Variants in GABRG2 observed in about 807,000 individuals in gnomAD.
GABRG2 encodes gamma-aminobutyric acid receptor subunit gamma-2.
Under a neutral mutation model 56.4 loss-of-function variants are expected in GABRG2, and 16 were observed. The observed-to-expected ratio is 0.28, with a 90% CI of 0.19 to 0.43. GABRG2 has a LOEUF of 0.43. GABRG2 is among the 20% of genes least tolerant of loss of function. The pLI is 1.00. For synonymous variants in GABRG2, 208 were observed against 205.5 expected, an observed-to-expected ratio of 1.01 and a Z score of -0.10; for missense variants, 327 against 582.7, an observed-to-expected ratio of 0.56 and a Z score of 4.52.
chr5:162,105,447 T>TTTTTTTTTTG (rs397999750), intron 6 of GABRG2, among the ~76,000 whole-genome samples: 1 of 147,026 alleles, frequency 6.8e-6, no homozygotes, highest in African/African-American at 2.5e-5. Context: ...TTTTTTTTTT[T>TTTTTTTTTTG]GAGAAGGAGT....
chr5:162,133,089 A>C (rs1763871414), intron 6 of GABRG2, among the ~76,000 whole-genome samples: 1 of 151,948 alleles, frequency 6.6e-6, no homozygotes, highest in African/African-American at 2.4e-5. Flanking sequence ...TAGTAGAAAC[A>C]AGCATAAGAT....
At chr5:162,139,768 T>A (rs1190421791) in intron 6 of GABRG2, among the ~76,000 whole-genome samples, 1 of 152,218 alleles carries the variant, frequency 6.6e-6, no homozygotes, top group African/African-American at 2.4e-5. Context: ...TCGTAATTTT[T>A]TATTTAAACA....
At chr5:162,125,014 C>G (rs1763233886) in intron 6 of GABRG2, among the ~76,000 whole-genome samples, 1 of 148,476 alleles carries the variant, frequency 6.7e-6, no homozygotes, top group Non-Finnish European at 1.5e-5. Flanking sequence ...CTAAGCATAT[C>G]AAAAACAGAA....
chr5:162,140,583 T>G lies in GABRG2; in HGVS notation c.770-1581T>G, dbSNP rs576207899. Among the ~76,000 whole-genome samples, 3 of 152,322 alleles carry G rather than the reference T, an allele frequency of 2.0e-5. No individual in the cohort carries two copies. In the East Asian group the frequency reaches 5.8e-4, roughly 29 times the overall value. On this transcript the variant is annotated intron_variant, in intron 6 of 9. Coordinates refer to ENST00000639213, the MANE Select transcript of GABRG2 (RefSeq NM_198904.4). Reference sequence around the variant, plus strand: ...AATCAGCCAAGTAAGTAGGGAAACGTAGGCACAAAGCCAACTAATCAAGCT... The same window carrying G: ...AATCAGCCAAGTAAGTAGGGAAACGGAGGCACAAAGCCAACTAATCAAGCT...
intron 6 of GABRG2, among the ~76,000 whole-genome samples, chr5:162,106,841 A>G (rs1176045685): frequency 6.7e-6 from 1 of 148,534 alleles, no homozygotes; most frequent in Non-Finnish European, 1.5e-5. Context: ...TGCGTAATGA[A>G]TTTTATTATT....
At chr5:162,104,889 T>C (rs1761687436) in intron 6 of GABRG2, among the ~76,000 whole-genome samples, 1 of 152,230 alleles carries the variant, frequency 6.6e-6, no homozygotes, top group South Asian at 2.1e-4. Context: ...TGTTTCTGTC[T>C]CATGGGTGGC....
At chr5:162,100,204 A>G (rs1435171109) in intron 4 of GABRG2, 1 of 152,118 alleles carries the variant, frequency 6.6e-6, no homozygotes, top group African/African-American at 2.4e-5. Context: ...CTTCATAGTT[A>G]ATTAAGGTCT....
At chr5:162,107,128 A>T (rs1761893088) in intron 6 of GABRG2, among the ~76,000 whole-genome samples, 1 of 152,128 alleles carries the variant, frequency 6.6e-6, no homozygotes, top group African/African-American at 2.4e-5. Flanking sequence ...GTCCTGTATC[A>T]GCTTGATAGG....
intron 6 of GABRG2, among the ~76,000 whole-genome samples, chr5:162,139,486 C>A (rs1764391353): frequency 6.6e-6 from 1 of 152,180 alleles, no homozygotes; most frequent in East Asian, 1.9e-4. Flanking sequence ...GGTAGAAAAG[C>A]TGTAGACTTG....
chr5:162,120,592 G>A (rs939186673), intron 6 of GABRG2, among the ~76,000 whole-genome samples: 5 of 152,228 alleles, frequency 3.3e-5, no homozygotes, highest in Admixed American at 3.3e-4. Context: ...AGATAATAGA[G>A]ACGGCATGTG....
At chr5:162,074,641 G>A (rs72821320) in intron 1 of GABRG2, among the ~76,000 whole-genome samples, 2,103 of 151,956 alleles carry the variant, frequency 0.014, 25 homozygotes, top group Non-Finnish European at 0.021. Flanking sequence ...TTTTTTTGCT[G>A]GTTATCAGTT....
intron 6 of GABRG2, among the ~76,000 whole-genome samples, chr5:162,105,800 C>T (rs1219457048): frequency 1.9e-5 from 2 of 107,942 alleles, no homozygotes; most frequent in African/African-American, 3.6e-5. Context: ...CTTCCATTGG[C>T]GAAAGAAAAC....
intron 1 of GABRG2, among the ~76,000 whole-genome samples, chr5:162,088,052 G>A (rs915739618): frequency 2.0e-5 from 3 of 152,042 alleles, no homozygotes; most frequent in Non-Finnish European, 4.4e-5. Flanking sequence ...GCACACTCAT[G>A]CATAGAGCAC....
intron 7 of GABRG2, among the ~76,000 whole-genome samples, chr5:162,144,044 G>T (rs970909874): frequency 1.3e-5 from 2 of 152,260 alleles, no homozygotes; most frequent in East Asian, 3.9e-4. Flanking sequence ...AAAATATCTT[G>T]TCTAATGCTA....
chr5:162,085,825 C>T (rs983898985), intron 1 of GABRG2, among the ~76,000 whole-genome samples: 3 of 151,692 alleles, frequency 2.0e-5, no homozygotes, highest in Non-Finnish European at 2.9e-5. Context: ...TAAGAATATG[C>T]GGTATTTGGT....
Position 162,153,122 on chromosome 5 carries a change from A to G in GABRG2, c.1182A>G (p.Ser394=), listed in dbSNP as rs1458041410. ...CTACCATTGATATCCGCCCAAGATC[A>G]GCAACCATTCAAATGAATAATGCTA... ...KAPTIDIRPR[S]ATIQMNNATH... The change falls in exon 10 of 10, where the codon TCA becomes TCG. Residue 394 remains serine (S), a synonymous_variant. Coordinates refer to ENST00000639213, the MANE Select transcript of GABRG2 (RefSeq NM_198904.4). The G allele has an allele frequency of 7.4e-6, 12 of 1,613,942 alleles. No homozygotes were observed. Among genetic ancestry groups the G allele is most frequent in the Admixed American group, 3.3e-5 (2 of 59,984 alleles).
intron 6 of GABRG2, among the ~76,000 whole-genome samples, chr5:162,137,171 A>C (rs1764196480): frequency 6.6e-6 from 1 of 152,228 alleles, no homozygotes. Flanking sequence ...TTCTGCCGAA[A>C]GACTGAGTAT....
chr5:162,071,383 A>G (rs1432689627), intron 1 of GABRG2, among the ~76,000 whole-genome samples: 1 of 151,682 alleles, frequency 6.6e-6, no homozygotes, highest in Middle Eastern at 3.9e-3. Context: ...AGATTTTGTA[A>G]TATACTTAGA....
At chr5:162,117,830 C>T (rs550204209) in intron 6 of GABRG2, among the ~76,000 whole-genome samples, 2 of 152,126 alleles carry the variant, frequency 1.3e-5, no homozygotes, top group South Asian at 2.1e-4. Flanking sequence ...TAAAAATCTG[C>T]CACTGTTAAT....
Sources: allele counts gnomAD v4.1 joint callset (sites outside exome capture counted in the v4.1 genomes callset), GRCh38; gene constraint gnomAD v4.1.1; transcripts MANE v1.5; gene names NCBI Gene and HGNC (gene_info 2026-07-23, HGNC 2026-07-21).